The following TMEM74 variants were observed in gnomAD, a reference collection of about 807,000 sequenced individuals.
TMEM74 encodes transmembrane protein 74.
A neutral mutation model predicts 18.1 loss-of-function variants in TMEM74; 13 were observed. The ratio of observed to expected loss-of-function variants is 0.72; its 90% CI spans 0.47 to 1.14. The LOEUF (loss-of-function observed/expected upper bound fraction) is 1.14. Among genes scored for constraint, TMEM74 ranks in the 50% most tolerant of loss-of-function variants. The probability of loss-of-function intolerance (pLI) is 0.00; values close to 1 mark genes in which losing one functional copy is unlikely to be tolerated. For synonymous variants in TMEM74, 159 were observed against 146.6 expected, an observed-to-expected ratio of 1.08 and a Z score of -0.61; for missense variants, 372 against 375.9, an observed-to-expected ratio of 0.99 and a Z score of 0.09.
At chr8:108,737,662 A>T (rs1369944771) in intron 1 of TMEM74, among the ~76,000 whole-genome samples, 1 of 152,178 alleles carries the variant, frequency 6.6e-6, no homozygotes, top group Non-Finnish European at 1.5e-5. Flanking sequence ...GTGTCCTTAG[A>T]TCTCTGTAGC....
At chr8:108,635,269 C>T (rs1477576008) in intron 2 of TMEM74, among the ~76,000 whole-genome samples, 4 of 151,382 alleles carry the variant, frequency 2.6e-5, no homozygotes, top group Non-Finnish European at 5.9e-5. Flanking sequence ...CTGGTCTTAG[C>T]GCATTTTTTT....
intron 1 of TMEM74, among the ~76,000 whole-genome samples, chr8:108,656,230 C>G (rs967074218): frequency 7.9e-5 from 12 of 152,228 alleles, no homozygotes; most frequent in Middle Eastern, 3.4e-3. Context: ...AGAATCTGCT[C>G]TAGTGGACCA....
At chr8:108,759,028 A>T (rs1218095652) in intron 1 of TMEM74, among the ~76,000 whole-genome samples, 4 of 152,234 alleles carry the variant, frequency 2.6e-5, no homozygotes, top group African/African-American at 7.2e-5. Context: ...TATTTAAAGT[A>T]AATGTATAAA....
chr8:108,749,746 G>A (rs1051770946), intron 1 of TMEM74, among the ~76,000 whole-genome samples: 1 of 152,188 alleles, frequency 6.6e-6, no homozygotes, highest in East Asian at 1.9e-4. Context: ...AGAGGAATGA[G>A]AAGCACACTT....
chr8:108,650,519 C>G (rs759255468), intron 2 of TMEM74, among the ~76,000 whole-genome samples: 3 of 152,178 alleles, frequency 2.0e-5, no homozygotes, highest in Non-Finnish European at 4.4e-5. Flanking sequence ...CCTCACAGCC[C>G]ACTATTCTCC....
intron 1 of TMEM74, among the ~76,000 whole-genome samples, chr8:108,722,722 C>T (rs1305043777): frequency 6.6e-6 from 1 of 151,700 alleles, no homozygotes; most frequent in Non-Finnish European, 1.5e-5. Context: ...TCCCAGAAAC[C>T]TTTGCTCCCA....
intron 1 of TMEM74, among the ~76,000 whole-genome samples, chr8:108,737,052 GC>G (rs1429849081): frequency 2.0e-5 from 3 of 152,200 alleles, no homozygotes; most frequent in African/African-American, 7.2e-5. Context: ...TTTATTAAAA[GC>G]CCCTTTGGCC....
chr8:108,621,106 A>T (rs949468411), intron 2 of TMEM74, among the ~76,000 whole-genome samples: 1 of 152,174 alleles, frequency 6.6e-6, no homozygotes, highest in African/African-American at 2.4e-5. Flanking sequence ...AGTTGCCTCA[A>T]AGTAGACCCC....
intron 1 of TMEM74, among the ~76,000 whole-genome samples, chr8:108,749,162 G>T (rs561260593): frequency 2.4e-5 from 3 of 125,184 alleles, no homozygotes; most frequent in African/African-American, 1.0e-4. Context: ...TAAAATAGTT[G>T]TTGTTTTTTT....
chr8:108,755,734 T>A (rs1481606209), intron 1 of TMEM74, among the ~76,000 whole-genome samples: 2 of 152,066 alleles, frequency 1.3e-5, no homozygotes, highest in African/African-American at 4.8e-5. Flanking sequence ...CAAATACATC[T>A]GTTTAAAATA....
chr8:108,771,919 A>G (rs1269049116), intron 1 of TMEM74, among the ~76,000 whole-genome samples: 1 of 152,110 alleles, frequency 6.6e-6, no homozygotes, highest in East Asian at 1.9e-4. Flanking sequence ...GATGCTCCGA[A>G]AAGTAACGTA....
At chr8:108,712,097 A>T (rs934471300) in intron 1 of TMEM74, among the ~76,000 whole-genome samples, 1 of 152,134 alleles carries the variant, frequency 6.6e-6, no homozygotes, top group Admixed American at 6.5e-5. Context: ...AGATTACTCA[A>T]TCAGAAGCTC....
intron 2 of TMEM74, among the ~76,000 whole-genome samples, chr8:108,642,679 T>C (rs1353677229): frequency 6.6e-6 from 1 of 152,134 alleles, no homozygotes; most frequent in Non-Finnish European, 1.5e-5. Flanking sequence ...CTCCCAAAAC[T>C]ACTAGCAGAA....
intron 1 of TMEM74, among the ~76,000 whole-genome samples, chr8:108,786,007 C>T (rs900315856): frequency 2.6e-5 from 4 of 152,192 alleles, no homozygotes; most frequent in African/African-American, 9.7e-5. Flanking sequence ...CTCCCGTTCC[C>T]TGGGTCTGTG....
intron 1 of TMEM74, among the ~76,000 whole-genome samples, chr8:108,689,249 G>T (rs1041318720): frequency 2.0e-5 from 3 of 152,298 alleles, no homozygotes; most frequent in East Asian, 1.9e-4. Flanking sequence ...ATCAAGAAAT[G>T]CGGACAAATA....
intron 1 of TMEM74, among the ~76,000 whole-genome samples, chr8:108,669,632 A>G (rs537192348): frequency 7.7e-6 from 1 of 129,298 alleles, no homozygotes; most frequent in East Asian, 2.7e-4. Context: ...TTTTGAAAGC[A>G]GAGGAAAGTT....
intron 1 of TMEM74, among the ~76,000 whole-genome samples, chr8:108,657,842 C>CAAAAAAAAAAA (rs1157229913): frequency 6.0e-5 from 1 of 16,682 alleles, no homozygotes; most frequent in Non-Finnish European, 9.5e-5. Context: ...GACACCGTCT[C>CAAAAAAAAAAA]AAAAAAAAAA....
At chr8:108,607,171 C>T (rs1812281946) in exon 4 of TMEM74, 1 of 152,152 alleles carries the variant, frequency 6.6e-6, no homozygotes, top group South Asian at 2.1e-4. Context: ...CACAGGGCCT[C>T]CCAGATTCAA....
At chr8:108,682,767 T>C (rs896236444) in intron 1 of TMEM74, among the ~76,000 whole-genome samples, 3 of 152,132 alleles carry the variant, frequency 2.0e-5, no homozygotes, top group East Asian at 1.9e-4. Context: ...ACTCTTATAG[T>C]GCTCTAGTGT....
Sources: gnomAD v4.1 joint callset for allele counts (sites outside exome capture counted in the v4.1 genomes callset) on GRCh38, gnomAD v4.1.1 for gene constraint, MANE v1.5 for transcripts, NCBI Gene and HGNC (gene_info 2026-07-23, HGNC 2026-07-21) for gene names.